JAK2: variants seen among roughly 807,000 people sequenced by gnomAD.
The protein encoded by JAK2 is Janus kinase 2, also known as tyrosine-protein kinase JAK2.
Under a neutral mutation model 139.3 loss-of-function variants are expected in JAK2, and 86 were observed. That is an observed-to-expected ratio of 0.62 (90% CI 0.52 to 0.74). JAK2 has a LOEUF of 0.74. JAK2 is among the 30% of genes least tolerant of loss of function. The pLI, the probability that JAK2 is intolerant of heterozygous loss-of-function variation, is 0.00. For missense variants in JAK2, 1,421 were observed against 1,360.3 expected (o/e 1.04, Z -0.70); for synonymous variants, 490 against 437.7 (o/e 1.12, Z -1.49).
chr9:5,054,533 G>A lies in JAK2; in HGVS notation c.615-30G>A. ...TATCTTCCAATTTTTGTTTTGTTTT[G>A]TTTTTCTGTATGTGCTTTTTTATCC... On this transcript the variant is annotated intron_variant, in intron 6 of 24. Coordinates refer to ENST00000381652, the MANE Select transcript of JAK2 (RefSeq NM_004972.4). This position sits in a 1 kb window ranked among gnomAD's most constrained non-coding sequence, Gnocchi z 4.9. 6.6e-7 allele frequency: 1 copy of A among 1,512,672 alleles called. No homozygotes were observed. Among genetic ancestry groups the A allele is most frequent in the South Asian group, 1.3e-5 (1 of 77,040 alleles). 93.7% of individuals were successfully genotyped at this position (1,512,672 alleles called of 1,614,324 possible).
chr9:5,110,749 G>C, intron 22 of JAK2: 1 of 373,516 alleles, frequency 2.7e-6, no homozygotes. Flanking sequence ...TATTTTCTTT[G>C]CTCTGCGGAC....
At chr9:5,020,518 G>C (rs571414604) in intron 2 of JAK2, among the ~76,000 whole-genome samples, 1 of 152,280 alleles carries the variant, frequency 6.6e-6, no homozygotes, top group East Asian at 1.9e-4. Flanking sequence ...CCCTGATGCT[G>C]GGGAGGGTGC....
intron 22 of JAK2, among the ~76,000 whole-genome samples, chr9:5,105,215 A>G (rs1821854050): frequency 1.3e-5 from 2 of 152,250 alleles, no homozygotes; most frequent in Admixed American, 1.3e-4. Context: ...GCAAAGTCTC[A>G]GGATACAAAA....
At position 5,037,569 on chromosome 9, in the gene JAK2, A is replaced by C. The variant is rs556438967; in HGVS notation, c.351-6834A>C. Reference sequence around the variant, plus strand: ...CATGTCCTTTGTAGGGACATGGATGAAGCTGGAAACCATCATTCTCAGCAA... The same window carrying C: ...CATGTCCTTTGTAGGGACATGGATGCAGCTGGAAACCATCATTCTCAGCAA... On this transcript the variant is annotated intron_variant, in intron 4 of 24. Transcript: ENST00000381652. Among the ~76,000 whole-genome samples the C allele has an allele frequency of 4.2e-3, 645 of 152,346 alleles. 2 individuals are homozygous for C. The highest frequency in any genetic ancestry group is 7.5e-3 in the Non-Finnish European group (512 of 68,024).
chr9:5,035,466 T>C (rs1000216432), intron 4 of JAK2, among the ~76,000 whole-genome samples: 1 of 152,172 alleles, frequency 6.6e-6, no homozygotes, highest in Non-Finnish European at 1.5e-5. Context: ...TTGATGAACA[T>C]TGATGCAAAA....
At chr9:5,098,926 CGTT>C in intron 22 of JAK2, 1 of 152,288 alleles carries the variant, frequency 6.6e-6, no homozygotes, top group South Asian at 2.1e-4. Context: ...CATCTCCTGA[CGTT>C]GTGTTCCACC....
At position 5,034,074 on chromosome 9, in the gene JAK2, A is replaced by C. The variant is rs139871500; in HGVS notation, c.350+4168A>C. The stretch of plus-strand genomic sequence containing the variant: ...TACCAAGCAAACGGAAAACAAAAAA[A>C]GGCAGGGATTGCAATCCTAGTCTCG... On this transcript the variant is annotated intron_variant, in intron 4 of 24. Transcript: ENST00000381652. 4.5e-4 allele frequency among the ~76,000 whole-genome samples: 68 copies of C among 152,338 alleles called. 1 individual carries two copies. In the East Asian group the frequency reaches 0.013, roughly 29 times the overall value.
intron 5 of JAK2, among the ~76,000 whole-genome samples, chr9:5,047,947 T>C (rs1817131479): frequency 6.6e-6 from 1 of 152,150 alleles, no homozygotes; most frequent in Admixed American, 6.5e-5. Flanking sequence ...TGAGGGTACA[T>C]ACTATAATAT....
At chr9:5,045,142 G>C (rs770929012) in intron 5 of JAK2, among the ~76,000 whole-genome samples, 1 of 152,130 alleles carries the variant, frequency 6.6e-6, no homozygotes, top group Non-Finnish European at 1.5e-5. Flanking sequence ...TAAATAACTT[G>C]TTTTTATGTG....
intron 8 of JAK2, among the ~76,000 whole-genome samples, chr9:5,057,580 C>CTTTT (rs541931562): frequency 8.0e-4 from 93 of 116,730 alleles, no homozygotes; most frequent in Middle Eastern, 4.5e-3. Flanking sequence ...ATTCTACTTT[C>CTTTT]TTTTTTTTTT....
At chr9:4,996,887 A>C (rs981261783) in intron 2 of JAK2, among the ~76,000 whole-genome samples, 6 of 150,322 alleles carry the variant, frequency 4.0e-5, no homozygotes, top group Non-Finnish European at 8.9e-5. Context: ...AACAGTCTTC[A>C]TGGTGGGAGT....
intron 5 of JAK2, among the ~76,000 whole-genome samples, chr9:5,047,696 T>G (rs764048219): frequency 1.3e-5 from 2 of 152,202 alleles, no homozygotes; most frequent in Non-Finnish European, 2.9e-5. Flanking sequence ...CTCCAGTGAT[T>G]GTCTTGCTTC....
chr9:5,055,985 G>C (rs1172330128), intron 8 of JAK2, among the ~76,000 whole-genome samples, 197 bp downstream of exon 8: 1 of 151,932 alleles, frequency 6.6e-6, no homozygotes, highest in Non-Finnish European at 1.5e-5. Flanking sequence ...TTCCTACAGA[G>C]TTTCTTGTAC....
intron 22 of JAK2, among the ~76,000 whole-genome samples, chr9:5,092,777 G>C (rs1350265507): frequency 6.6e-6 from 1 of 152,186 alleles, no homozygotes; most frequent in Non-Finnish European, 1.5e-5. Context: ...ATGAGTAGTG[G>C]TGATAAGCCT....
At chr9:5,066,574 A>G (rs2130504481) in intron 9 of JAK2, 104 bp from the exon 10 acceptor site, 1 of 686,212 alleles carries the variant, frequency 1.5e-6, no homozygotes, top group East Asian at 2.8e-5. Context: ...AGAGGAGACA[A>G]TTCTGACAGT....
chr9:5,031,340 A>C (rs571940490), intron 4 of JAK2, among the ~76,000 whole-genome samples: 42 of 152,370 alleles, frequency 2.8e-4, no homozygotes, highest in Admixed American at 2.6e-3. Context: ...TCTATTATTA[A>C]AGCCACATAA....
intron 5 of JAK2, among the ~76,000 whole-genome samples, chr9:5,045,014 A>G (rs1816901419): frequency 6.6e-6 from 1 of 152,200 alleles, no homozygotes; most frequent in African/African-American, 2.4e-5. Flanking sequence ...TCTAAGAGCT[A>G]TATTCAAGTT....
At chr9:5,120,191 T>G (rs559253860) in intron 22 of JAK2, among the ~76,000 whole-genome samples, 1 of 152,318 alleles carries the variant, frequency 6.6e-6, no homozygotes, top group South Asian at 2.1e-4. Flanking sequence ...TGTCCTCACA[T>G]GGACAAAAGT....
At chr9:5,091,253 T>C (rs1033816083) in intron 22 of JAK2, 10 of 169,898 alleles carry the variant, frequency 5.9e-5, no homozygotes, top group African/African-American at 2.1e-4. Context: ...ATGGGGTTAA[T>C]AGTCTTTTTT....
Sources: allele counts gnomAD v4.1 joint callset (sites outside exome capture counted in the v4.1 genomes callset), GRCh38; gene constraint gnomAD v4.1.1; non-coding constraint Gnocchi (gnomAD v3.1); transcripts MANE v1.5; gene names NCBI Gene and HGNC (gene_info 2026-07-23, HGNC 2026-07-21).